The following ATP9A variants were observed in gnomAD, a reference collection of about 807,000 sequenced individuals.
ATP9A encodes the protein ATPase phospholipid transporting 9A.
A neutral mutation model predicts 144.1 loss-of-function variants in ATP9A; 52 were observed. That is an observed-to-expected ratio of 0.36 (90% CI 0.29 to 0.45). The LOEUF is 0.45. Among genes scored for constraint, ATP9A ranks in the 20% least tolerant of loss-of-function variants. The probability of loss-of-function intolerance (pLI) is 1.00; values close to 1 mark genes in which losing one functional copy is unlikely to be tolerated. For missense variants in ATP9A, 947 were observed against 1,392.7 expected (o/e 0.68, Z 5.09); for synonymous variants, 582 against 557.4 (o/e 1.04, Z -0.62).
intron 17 of ATP9A, among the ~76,000 whole-genome samples, chr20:51,626,293 A>T (rs2077248161): frequency 6.6e-6 from 1 of 152,236 alleles, no homozygotes; most frequent in Non-Finnish European, 1.5e-5. Flanking sequence ...GTTTGAGACC[A>T]GCCTGGCCAA....
intron 25 of ATP9A, among the ~76,000 whole-genome samples, chr20:51,608,033 G>C (rs1055338292): frequency 1.9e-5 from 2 of 105,528 alleles, no homozygotes; most frequent in African/African-American, 6.4e-5. Context: ...GACAAAGTGA[G>C]AATTAGTCTC....
At chr20:51,748,259 A>T (rs539877421) in intron 1 of ATP9A, among the ~76,000 whole-genome samples, 1 of 152,336 alleles carries the variant, frequency 6.6e-6, no homozygotes, top group East Asian at 1.9e-4. Context: ...GGCTTGGGTT[A>T]CATAGTGAGA....
At chr20:51,653,010 T>G (rs2077373213) in intron 14 of ATP9A, among the ~76,000 whole-genome samples, 1 of 150,862 alleles carries the variant, frequency 6.6e-6, no homozygotes, top group Non-Finnish European at 1.5e-5. Flanking sequence ...CTGGGGAGAC[T>G]GAGGCAGAAG....
chr20:51,702,366 G>A (rs1236085607), intron 4 of ATP9A, among the ~76,000 whole-genome samples: 1 of 33,056 alleles, frequency 3.0e-5, no homozygotes, highest in Admixed American at 4.0e-4. Context: ...GTGTGTGTTC[G>A]TGTGTGTGTG....
At chr20:51,690,109 C>CAAAAAAA (rs796336088) in intron 8 of ATP9A, among the ~76,000 whole-genome samples, 6 of 59,938 alleles carry the variant, frequency 1.0e-4, no homozygotes, top group South Asian at 8.3e-4. Flanking sequence ...GAGACCGTCT[C>CAAAAAAA]AAAAAAAAAA....
intron 1 of ATP9A, among the ~76,000 whole-genome samples, chr20:51,736,000 G>A (rs2077761226): frequency 6.6e-6 from 1 of 152,228 alleles, no homozygotes; most frequent in Admixed American, 6.5e-5. Context: ...TAAGGCCAGG[G>A]GCCAGAGAGT....
chr20:51,605,970 A>T (rs894892904), intron 26 of ATP9A, among the ~76,000 whole-genome samples: 38 of 151,936 alleles, frequency 2.5e-4, no homozygotes, highest in Middle Eastern at 3.4e-3. Flanking sequence ...TTTATTTTTT[A>T]AAAAAATAAT....
intron 3 of ATP9A, among the ~76,000 whole-genome samples, chr20:51,719,741 A>AC (rs200505344): frequency 1.9e-4 from 23 of 123,370 alleles, no homozygotes; most frequent in Admixed American, 3.5e-4. Flanking sequence ...CAAAAAAAAA[A>AC]AAAAGGGGGG....
chr20:51,669,117 A>C (rs2077445601), intron 13 of ATP9A, among the ~76,000 whole-genome samples: 1 of 152,154 alleles, frequency 6.6e-6, no homozygotes, highest in Non-Finnish European at 1.5e-5. Flanking sequence ...TCAGCCTTGG[A>C]TGTGCCTCAG....
At chr20:51,640,008 C>T (rs2077311964) in intron 14 of ATP9A, among the ~76,000 whole-genome samples, 1 of 152,114 alleles carries the variant, frequency 6.6e-6, no homozygotes, top group African/African-American at 2.4e-5. Flanking sequence ...ATCGCTTGAA[C>T]CCAGGAGGCA....
chr20:51,602,722 G>C (rs749574345), intron 27 of ATP9A, among the ~76,000 whole-genome samples: 1 of 152,158 alleles, frequency 6.6e-6, no homozygotes, highest in African/African-American at 2.4e-5. Context: ...AAAGAGCCGC[G>C]ATCAAAGATG....
chr20:51,723,662 T>C (rs1680889661), intron 3 of ATP9A, among the ~76,000 whole-genome samples: 1 of 149,832 alleles, frequency 6.7e-6, no homozygotes, highest in African/African-American at 2.4e-5. Flanking sequence ...ATTCAAGCGA[T>C]TCTCCTGCCT....
At position 51,696,092 on chromosome 20, in the gene ATP9A, C is replaced by A; in HGVS notation, c.547+1G>T. The A allele has an allele frequency of 6.2e-7, 1 of 1,612,754 alleles. No individual in the cohort carries two copies. On this transcript the variant is annotated splice_donor_variant, in intron 6 of 27. Transcript: ENST00000338821. LOFTEE classifies it high-confidence loss of function. ...TTTCCAAATTGATCTCAGATGTTTA[C>A]CGTTTTTTTCTGATGTCCTCAGGAA... is the stretch of plus-strand genomic sequence containing the variant.
At chr20:51,732,039 C>G (rs905986256) in intron 1 of ATP9A, among the ~76,000 whole-genome samples, 2 of 152,058 alleles carry the variant, frequency 1.3e-5, no homozygotes, top group African/African-American at 2.4e-5. Context: ...ACCCCAAGGG[C>G]GCCCCCAACG....
intron 25 of ATP9A, 138 bp from the exon 26 acceptor site, chr20:51,607,722 C>T (rs991045804): frequency 2.1e-5 from 14 of 653,002 alleles, no homozygotes; most frequent in Admixed American, 1.5e-4. Flanking sequence ...TCGCACACAT[C>T]TGAACACATT....
At chr20:51,698,658 G>A (rs1189251999) in intron 4 of ATP9A, among the ~76,000 whole-genome samples, 1 of 152,208 alleles carries the variant, frequency 6.6e-6, no homozygotes, top group Non-Finnish European at 1.5e-5. Flanking sequence ...CAGAGGGGTG[G>A]CTGTCAACAA....
chr20:51,697,835 A>G (rs182429337), intron 4 of ATP9A, among the ~76,000 whole-genome samples: 2 of 152,282 alleles, frequency 1.3e-5, no homozygotes, highest in East Asian at 1.9e-4. Flanking sequence ...GTACCGGGGG[A>G]AAAAAGTCTT....
intron 4 of ATP9A, among the ~76,000 whole-genome samples, chr20:51,702,941 CCCT>C (rs2077600448): frequency 6.6e-6 from 1 of 152,078 alleles, no homozygotes; most frequent in African/African-American, 2.4e-5. Flanking sequence ...AAAGAAAATG[CCCT>C]CCTAACAGGC....
Position 51,597,994 on chromosome 20 carries a change from C to G in ATP9A, c.*3217G>C, listed in dbSNP as rs1258951228. 1.3e-5 allele frequency: 2 copies of G among 152,058 alleles called. No individual in the cohort carries two copies. The highest frequency in any genetic ancestry group is 2.9e-5 in the Non-Finnish European group (2 of 68,018). The allele number at this position is 152,058 out of a possible 1,614,324, so 9.4% of individuals were successfully genotyped here. A position where few individuals can be genotyped will look rare whatever the true frequency, so the allele number is the denominator to read the frequency against. On this transcript the variant is annotated 3_prime_UTR_variant, in exon 28 of 28. Coordinates refer to ENST00000338821, the MANE Select transcript of ATP9A (RefSeq NM_006045.3). ...GCCCCAGGGGCTGGAAAAGGGAGGT[C>G]TGCTCCAACTTTAAGATGCGCCCTT...
Sources: allele counts gnomAD v4.1 joint callset (sites outside exome capture counted in the v4.1 genomes callset), GRCh38; gene constraint gnomAD v4.1.1; transcripts MANE v1.5; gene names NCBI Gene and HGNC (gene_info 2026-07-23, HGNC 2026-07-21).